PDE11A: variants seen among roughly 807,000 people sequenced by gnomAD.
PDE11A encodes phosphodiesterase 11A, also known as dual 3',5'-cyclic-AMP and -GMP phosphodiesterase 11A.
In PDE11A, 100 loss-of-function variants were observed where a neutral mutation model predicts 100.5. The observed-to-expected ratio is 1.00, with a 90% CI of 0.85 to 1.18. The LOEUF is 1.18. Among genes scored for constraint, PDE11A ranks in the 50% most tolerant of loss-of-function variants. PDE11A has a pLI of 0.00. For missense variants in PDE11A, 1,141 were observed against 1,152.6 expected (o/e 0.99, Z 0.15); for synonymous variants, 381 against 420.8 (o/e 0.91, Z 1.16).
chr2:178,019,135 AT>A (rs1217720506), intron 1 of PDE11A, among the ~76,000 whole-genome samples: 1 of 152,210 alleles, frequency 6.6e-6, no homozygotes, highest in African/African-American at 2.4e-5. Flanking sequence ...ACAATATTTA[AT>A]TTTTGAAAAT....
chr2:177,856,796 T>C (rs2083842038), intron 5 of PDE11A, among the ~76,000 whole-genome samples: 1 of 151,970 alleles, frequency 6.6e-6, no homozygotes, highest in Admixed American at 6.6e-5. Flanking sequence ...AAAGTCTCAG[T>C]AACATGTGGG....
intron 2 of PDE11A, among the ~76,000 whole-genome samples, chr2:178,011,168 G>A (rs938200339): frequency 3.3e-5 from 5 of 152,064 alleles, no homozygotes; most frequent in Admixed American, 6.6e-5. Flanking sequence ...CTAGAAGCAC[G>A]GCATTTTAGG....
intron 4 of PDE11A, among the ~76,000 whole-genome samples, chr2:177,895,322 G>A (rs1254009898): frequency 6.6e-6 from 1 of 152,170 alleles, no homozygotes; most frequent in Non-Finnish European, 1.5e-5. Context: ...GGAGGCCGAG[G>A]TGGGTGGATC....
chr2:177,851,575 G>C (rs2083706603), intron 5 of PDE11A, among the ~76,000 whole-genome samples: 1 of 152,038 alleles, frequency 6.6e-6, no homozygotes, highest in Non-Finnish European at 1.5e-5. Context: ...TTCTGTATTG[G>C]TATAGTAAAT....
At chr2:178,040,425 A>G (rs2086669493) in intron 1 of PDE11A, among the ~76,000 whole-genome samples, 1 of 152,144 alleles carries the variant, frequency 6.6e-6, no homozygotes, top group African/African-American at 2.4e-5. Flanking sequence ...CTGTACGTAT[A>G]TATTTTATTC....
chr2:177,942,189 T>A (rs2085352680), intron 2 of PDE11A, among the ~76,000 whole-genome samples: 1 of 152,234 alleles, frequency 6.6e-6, no homozygotes, highest in Non-Finnish European at 1.5e-5. Flanking sequence ...TTCCCTCATT[T>A]TATGACCTTG....
At chr2:177,845,853 A>G (rs1478407145) in intron 5 of PDE11A, among the ~76,000 whole-genome samples, 1 of 152,048 alleles carries the variant, frequency 6.6e-6, no homozygotes, top group Non-Finnish European at 1.5e-5. Context: ...ACACAGCGAA[A>G]CCCCGTCTCC....
At chr2:177,817,808 A>T (rs1395117994) in intron 8 of PDE11A, 50 bp downstream of exon 8, 1 of 836,654 alleles carries the variant, frequency 1.2e-6, no homozygotes, top group Admixed American at 1.7e-5. Flanking sequence ...GCAAGCTGCA[A>T]CCAGGGGACT....
intron 5 of PDE11A, among the ~76,000 whole-genome samples, chr2:177,859,193 A>C (rs910235951): frequency 6.6e-6 from 1 of 152,066 alleles, no homozygotes; most frequent in South Asian, 2.1e-4. Flanking sequence ...ACATGTATAC[A>C]TATGTAACAA....
chr2:177,866,790 C>T (rs1445718028), intron 5 of PDE11A, among the ~76,000 whole-genome samples: 3 of 152,290 alleles, frequency 2.0e-5, no homozygotes, highest in African/African-American at 7.2e-5. Flanking sequence ...TGAAGTAGTT[C>T]TTGAAATGCT....
chr2:177,637,976 C>A (rs1367150433), intron 19 of PDE11A, among the ~76,000 whole-genome samples: 1 of 79,828 alleles, frequency 1.3e-5, no homozygotes, highest in African/African-American at 3.6e-5. Flanking sequence ...TATATATACA[C>A]GTGTATATAT....
chr2:177,753,351 T>A (rs1439998804), intron 10 of PDE11A, among the ~76,000 whole-genome samples: 1 of 152,104 alleles, frequency 6.6e-6, no homozygotes, highest in Non-Finnish European at 1.5e-5. Context: ...CAATATTAAT[T>A]TTCTGTGTTA....
intron 9 of PDE11A, among the ~76,000 whole-genome samples, chr2:177,782,981 C>T (rs1410857087): frequency 1.3e-5 from 2 of 152,246 alleles, no homozygotes; most frequent in Admixed American, 6.5e-5. Context: ...TCAGCTCCAC[C>T]ATTCTCAAAA....
At chr2:177,677,172 A>C (rs2080788941) in intron 16 of PDE11A, among the ~76,000 whole-genome samples, 1 of 152,232 alleles carries the variant, frequency 6.6e-6, no homozygotes, top group Admixed American at 6.5e-5. Flanking sequence ...TCAGTTGATC[A>C]ACAAGTTTAT....
chr2:178,071,926 A>T lies in PDE11A; in HGVS notation c.512T>A (p.Ile171Asn), dbSNP rs1448334247. 6.2e-7 allele frequency: 1 copy of T among 1,614,000 alleles called. No homozygotes were observed. The highest frequency in any genetic ancestry group is 8.5e-7 in the Non-Finnish European group (1 of 1,179,864). The part of the protein sequence containing the change: ...ASSLPPTTAH[I>N]LSALLESRVN... Reference sequence around the variant, plus strand: ...TCTCGATTCCAGCAGCGCACTGAGAATATGGGCTGTGGTGGGGGGCAGGGA... The same window carrying T: ...TCTCGATTCCAGCAGCGCACTGAGATTATGGGCTGTGGTGGGGGGCAGGGA... The change falls in exon 1 of 20, where the codon ATT (isoleucine) becomes AAT (asparagine). Residue 171 changes from isoleucine to asparagine, a missense_variant. Physicochemically the swap from Ile to Asn is moderately radical, Grantham distance 149 (BLOSUM62 -3). Coordinates refer to ENST00000286063, the MANE Select transcript of PDE11A (RefSeq NM_016953.4).
At chr2:178,021,805 G>T (rs2086416031) in intron 1 of PDE11A, among the ~76,000 whole-genome samples, 1 of 152,170 alleles carries the variant, frequency 6.6e-6, no homozygotes, top group African/African-American at 2.4e-5. Flanking sequence ...AGAAGCATTA[G>T]GGAGAGGTGG....
chr2:177,727,950 G>T, intron 11 of PDE11A, 76 bp downstream of exon 11: 2 of 1,308,940 alleles, frequency 1.5e-6, no homozygotes, highest in South Asian at 1.2e-5. Context: ...TTTTGTATTT[G>T]GGAAACCAGT....
At chr2:178,072,873 G>T, upstream of PDE11A, 2 of 1,142,808 alleles carry the variant, frequency 1.8e-6, no homozygotes, top group Non-Finnish European at 2.2e-6. Context: ...GGGAGCCGCG[G>T]ACGCCAGACC....
At chr2:177,722,811 T>C (rs1355031641) in intron 12 of PDE11A, among the ~76,000 whole-genome samples, 2 of 152,178 alleles carry the variant, frequency 1.3e-5, no homozygotes, top group Admixed American at 6.6e-5. Flanking sequence ...TTTATTATAG[T>C]ATTACAATAA....
Sources: gnomAD v4.1 joint callset for allele counts (sites outside exome capture counted in the v4.1 genomes callset) on GRCh38, gnomAD v4.1.1 for gene constraint, MANE v1.5 for transcripts, NCBI Gene and HGNC (gene_info 2026-07-23, HGNC 2026-07-21) for gene names.